Variants in SCFD1 observed in about 807,000 individuals in gnomAD.
SCFD1 encodes the protein sec1 family domain containing 1.
Under a neutral mutation model 103.2 loss-of-function variants are expected in SCFD1, and 37 were observed. The observed-to-expected ratio is 0.36, with a 90% CI of 0.28 to 0.47. The LOEUF (loss-of-function observed/expected upper bound fraction) is 0.47. SCFD1 is among the 20% of genes least tolerant of loss of function. The pLI is 1.00. For missense variants in SCFD1, 639 were observed against 761.2 expected, an observed-to-expected ratio of 0.84 and a Z score of 1.89; for synonymous variants, 264 against 245.0, an observed-to-expected ratio of 1.08 and a Z score of -0.73.
chr14:30,683,004 A>C, intron 14 of SCFD1: 1 of 1,033,210 alleles, frequency 9.7e-7, no homozygotes, highest in Non-Finnish European at 1.4e-6. Context: ...ATCTAAGGAA[A>C]AGTTAAAAAG....
intron 14 of SCFD1, among the ~76,000 whole-genome samples, chr14:30,676,985 GAT>G (rs1889084756): frequency 6.6e-6 from 1 of 152,158 alleles, no homozygotes; most frequent in Non-Finnish European, 1.5e-5. Context: ...ATCTGTCTGA[GAT>G]AGTTTAATAT....
At chr14:30,641,532 G>C (rs1451233271) in intron 6 of SCFD1, among the ~76,000 whole-genome samples, 2 of 152,166 alleles carry the variant, frequency 1.3e-5, no homozygotes, top group Non-Finnish European at 2.9e-5. Flanking sequence ...TAACTAAAAG[G>C]TTTGAAGTGT....
intron 17 of SCFD1, among the ~76,000 whole-genome samples, chr14:30,703,321 C>G (rs145166901): frequency 6.8e-6 from 1 of 148,054 alleles, no homozygotes; most frequent in African/African-American, 2.5e-5. Context: ...AGTAGGCAGT[C>G]ACATTTGAGC....
intron 9 of SCFD1, chr14:30,652,311 T>C (rs999403134): frequency 3.9e-5 from 6 of 152,190 alleles, no homozygotes; most frequent in Non-Finnish European, 8.8e-5. Context: ...TGTGCCTCAA[T>C]TTGCTTTCGG....
intron 20 of SCFD1, 128 bp downstream of exon 20, chr14:30,716,105 A>G (rs1892262321): frequency 3.0e-6 from 2 of 671,456 alleles, no homozygotes; most frequent in Admixed American, 6.2e-5. Context: ...GAAAAGGAAG[A>G]GTCCATGTTC....
chr14:30,732,816 A>T (rs1246645663), intron 23 of SCFD1, among the ~76,000 whole-genome samples: 2 of 152,282 alleles, frequency 1.3e-5, no homozygotes, highest in Middle Eastern at 3.4e-3. Context: ...TAACTTTGGT[A>T]TAATTGGTAA....
chr14:30,684,961 TC>T (rs1889862718), intron 14 of SCFD1, among the ~76,000 whole-genome samples: 1 of 77,540 alleles, frequency 1.3e-5, no homozygotes, highest in Non-Finnish European at 2.4e-5. Flanking sequence ...CCCTCCCCCC[TC>T]CCCCAACCCC....
chr14:30,723,219 G>A (rs191330500), intron 23 of SCFD1, among the ~76,000 whole-genome samples: 5 of 151,848 alleles, frequency 3.3e-5, no homozygotes, highest in Admixed American at 3.3e-4. Context: ...ATGGTAGAGG[G>A]TTATGGTACA....
intron 10 of SCFD1, among the ~76,000 whole-genome samples, chr14:30,662,270 G>A (rs888663723): frequency 2.6e-5 from 4 of 152,088 alleles, no homozygotes; most frequent in Non-Finnish European, 5.9e-5. Context: ...TTCTCCCTAG[G>A]TTTGTGTGCA....
chr14:30,676,084 A>G (rs1334370753), intron 14 of SCFD1: 1 of 152,194 alleles, frequency 6.6e-6, no homozygotes, highest in Non-Finnish European at 1.5e-5. Flanking sequence ...GGCTGTTCAG[A>G]TCTGTTTACC....
intron 11 of SCFD1, among the ~76,000 whole-genome samples, chr14:30,671,284 C>T (rs1035483018): frequency 6.6e-6 from 1 of 152,012 alleles, no homozygotes; most frequent in Admixed American, 6.6e-5. Flanking sequence ...AGAAAAGTCA[C>T]TGTCTTTCTC....
At position 30,633,935 on chromosome 14, in the gene SCFD1, T is replaced by C; in HGVS notation, c.222-12T>C. The C allele has an allele frequency of 6.6e-7, 1 of 1,517,346 alleles. No homozygotes were observed. 94.0% of individuals were successfully genotyped at this position (1,517,346 alleles called of 1,614,324 possible). ...AATAAAAAAATAAGTTTTAGTTCCTTATGTCTTCTAGGCTTTTACACTCTG... is the reference window on the plus strand; with the variant it reads ...AATAAAAAAATAAGTTTTAGTTCCTCATGTCTTCTAGGCTTTTACACTCTG... On this transcript the variant is annotated splice_polypyrimidine_tract_variant and intron_variant, in intron 3 of 24. Coordinates refer to ENST00000458591, the MANE Select transcript of SCFD1 (RefSeq NM_016106.4).
intron 19 of SCFD1, among the ~76,000 whole-genome samples, chr14:30,713,045 G>A (rs978003920): frequency 3.3e-5 from 5 of 151,772 alleles, no homozygotes; most frequent in African/African-American, 4.8e-5. Context: ...GCTAAAATCC[G>A]GTTTTTTTAA....
chr14:30,649,943 AT>A (rs1886243154), intron 8 of SCFD1, among the ~76,000 whole-genome samples: 1 of 152,182 alleles, frequency 6.6e-6, no homozygotes, highest in Middle Eastern at 3.2e-3. Flanking sequence ...AATCATAACC[AT>A]TTTTAAAATG....
chr14:30,641,007 A>G (rs1885216500), intron 6 of SCFD1, among the ~76,000 whole-genome samples: 1 of 152,106 alleles, frequency 6.6e-6, no homozygotes, highest in African/African-American at 2.4e-5. Flanking sequence ...GAGCTAATTT[A>G]CTCCTCAGAA....
chr14:30,723,790 G>A lies in SCFD1; in HGVS notation c.1836+1231G>A, dbSNP rs367683430. Among the ~76,000 whole-genome samples the A allele has an allele frequency of 4.6e-5, 7 of 152,198 alleles. No individual in the cohort carries two copies. The South Asian group carries it at 1.2e-3, about 27-fold the overall frequency. ...ATATGTACCACATTTTCTTTGTCTA[G>A]TCTAACATCAGTGGACATTTAGGTT... On this transcript the variant is annotated intron_variant, in intron 23 of 24. Coordinates refer to ENST00000458591, the MANE Select transcript of SCFD1 (RefSeq NM_016106.4).
intron 14 of SCFD1, among the ~76,000 whole-genome samples, chr14:30,679,745 A>C (rs17097086): frequency 0.05 from 7,611 of 151,090 alleles, 265 homozygotes; most frequent in African/African-American, 0.085. Flanking sequence ...TCCTGATCAC[A>C]TTAGAGGTCT....
chr14:30,716,179 C>T (rs1892267192), intron 20 of SCFD1, among the ~76,000 whole-genome samples: 1 of 152,132 alleles, frequency 6.6e-6, no homozygotes, highest in South Asian at 2.1e-4. Context: ...CTGCCATACC[C>T]ATTCTGGCCA....
In SCFD1 at chr14:30,643,370, T is replaced by C. The variant is rs745339528; in HGVS notation, c.578T>C (p.Ile193Thr). 1.9e-6 allele frequency: 3 copies of C among 1,613,548 alleles called. No homozygotes were observed. Among genetic ancestry groups the C allele is most frequent in the Non-Finnish European group, 2.5e-6 (3 of 1,179,628 alleles). The part of the protein sequence containing the change: ...DTEMETVMDT[I>T]VDSLFCFFVT... ...GAAATGGAAACTGTTATGGACACTA[T>C]AGTTGACAGCCTCTTCTGCTTTTTT... The change falls in exon 7 of 25, where the codon ATA becomes ACA. Residue 193 changes from isoleucine to threonine, a missense_variant. By Grantham distance (89) the Ile-to-Thr change is moderately conservative. Coordinates refer to ENST00000458591, the MANE Select transcript of SCFD1 (RefSeq NM_016106.4).
Sources: allele counts gnomAD v4.1 joint callset (sites outside exome capture counted in the v4.1 genomes callset), GRCh38; gene constraint gnomAD v4.1.1; transcripts MANE v1.5; gene names NCBI Gene and HGNC (gene_info 2026-07-23, HGNC 2026-07-21).